The following DCUN1D4 variants were observed in gnomAD, a reference collection of about 807,000 sequenced individuals.
DCUN1D4 encodes the protein DCN1-like protein 4.
Under a neutral mutation model 47.9 loss-of-function variants are expected in DCUN1D4, and 22 were observed. The observed-to-expected ratio is 0.46, with a 90% CI of 0.33 to 0.66. The LOEUF is 0.66. DCUN1D4 is among the 30% of genes least tolerant of loss of function. The pLI, the probability that DCUN1D4 is intolerant of heterozygous loss-of-function variation, is 0.02. For missense variants in DCUN1D4, 301 were observed against 340.8 expected (o/e 0.88, Z 0.92); for synonymous variants, 121 against 112.2 (o/e 1.08, Z -0.50).
At chr4:51,906,919 A>C (rs1438568163) in intron 8 of DCUN1D4, among the ~76,000 whole-genome samples, 2 of 152,020 alleles carry the variant, frequency 1.3e-5, no homozygotes, top group African/African-American at 4.8e-5. Flanking sequence ...ATTGATTTTA[A>C]CTCCTTGTGC....
chr4:51,890,136 C>G (rs1196805778), intron 6 of DCUN1D4, among the ~76,000 whole-genome samples: 1 of 152,094 alleles, frequency 6.6e-6, no homozygotes, highest in African/African-American at 2.4e-5. Flanking sequence ...AGCCTACAAA[C>G]TAGCTTATTG....
chr4:51,903,310 C>T (rs1403256559), intron 8 of DCUN1D4, among the ~76,000 whole-genome samples: 3 of 152,072 alleles, frequency 2.0e-5, no homozygotes, highest in Admixed American at 1.3e-4. Flanking sequence ...ACACTTTATT[C>T]TTTCGGTACT....
intron 3 of DCUN1D4, among the ~76,000 whole-genome samples, chr4:51,870,031 G>C (rs1726630162): frequency 6.6e-6 from 1 of 152,130 alleles, no homozygotes; most frequent in Non-Finnish European, 1.5e-5. Flanking sequence ...TCTAATGATA[G>C]GAGGATTGAT....
At chr4:51,890,863 C>G (rs543419051) in intron 6 of DCUN1D4, among the ~76,000 whole-genome samples, 2 of 152,322 alleles carry the variant, frequency 1.3e-5, no homozygotes, top group South Asian at 4.1e-4. Context: ...TATCTTTTCT[C>G]TAAAATAGCT....
At chr4:51,872,200 A>G (rs1395791782) in intron 3 of DCUN1D4, among the ~76,000 whole-genome samples, 1 of 152,198 alleles carries the variant, frequency 6.6e-6, no homozygotes, top group Non-Finnish European at 1.5e-5. Flanking sequence ...GGGTGCTTTG[A>G]ACTGGTATGT....
chr4:51,881,681 GAAA>G (rs1212711589), intron 5 of DCUN1D4, among the ~76,000 whole-genome samples: 10 of 136,608 alleles, frequency 7.3e-5, no homozygotes, highest in Middle Eastern at 3.8e-3. Flanking sequence ...AAAAAAACAA[GAAA>G]AAAAAAACCT....
chr4:51,866,199 AATTT>A (rs2109923260), intron 3 of DCUN1D4, among the ~76,000 whole-genome samples: 1 of 152,288 alleles, frequency 6.6e-6, no homozygotes, highest in South Asian at 2.1e-4. Flanking sequence ...AGTCAAAAAC[AATTT>A]ATTTAATAAT....
intron 3 of DCUN1D4, among the ~76,000 whole-genome samples, chr4:51,873,941 C>T (rs1727280727): frequency 6.6e-6 from 1 of 152,096 alleles, no homozygotes. Context: ...CACTGCAGTG[C>T]ATTTTGAGAG....
chr4:51,910,444 A>G (rs1733552909), intron 8 of DCUN1D4, among the ~76,000 whole-genome samples: 1 of 152,138 alleles, frequency 6.6e-6, no homozygotes. Context: ...AAATCTATCT[A>G]TCTATCTGTC....
intron 1 of DCUN1D4, among the ~76,000 whole-genome samples, chr4:51,862,890 T>C (rs1725290680): frequency 6.6e-6 from 1 of 151,986 alleles, no homozygotes; most frequent in Non-Finnish European, 1.5e-5. Context: ...TGGTGCACAC[T>C]AGTAGTCCCA....
At chr4:51,834,453 A>G in the DCUN1D4 span, among the ~76,000 whole-genome samples, 6 of 151,918 alleles carry the variant, frequency 3.9e-5, no homozygotes, top group South Asian at 6.2e-4. Context: ...CTGAAAGGAC[A>G]TGAGGCTTTT....
At chr4:51,856,524 C>T (rs1402275153) in intron 1 of DCUN1D4, among the ~76,000 whole-genome samples, 3 of 152,092 alleles carry the variant, frequency 2.0e-5, no homozygotes, top group Non-Finnish European at 2.9e-5. Context: ...GGTTAGGAAA[C>T]GTTGCTGCTT....
chr4:51,896,811 A>G (rs571716414), intron 7 of DCUN1D4, among the ~76,000 whole-genome samples: 1 of 152,200 alleles, frequency 6.6e-6, no homozygotes, highest in African/African-American at 2.4e-5. Flanking sequence ...GCTTGTCAAG[A>G]TGCAGCCCTG....
At chr4:51,885,370 T>G (rs2110035964) in intron 5 of DCUN1D4, among the ~76,000 whole-genome samples, 1 of 152,208 alleles carries the variant, frequency 6.6e-6, no homozygotes, top group Non-Finnish European at 1.5e-5. Context: ...TGATTGGGTG[T>G]GAGAGAAAGG....
Position 51,854,379 on chromosome 4 carries a change from T to G in DCUN1D4, c.26-9058T>G, listed in dbSNP as rs539474604. Reference sequence around the variant, plus strand: ...TTTACTTAAAATTGTATTTTGTACTTTTTAAAAACATATGTACTATGATCT... The same window carrying G: ...TTTACTTAAAATTGTATTTTGTACTGTTTAAAAACATATGTACTATGATCT... On this transcript the variant is annotated intron_variant, in intron 1 of 10. Coordinates refer to ENST00000334635, the MANE Select transcript of DCUN1D4 (RefSeq NM_001040402.3). Among the ~76,000 whole-genome samples the G allele has an allele frequency of 2.0e-5, 3 of 152,368 alleles. No individual in the cohort carries two copies. In the South Asian group the frequency reaches 6.2e-4, roughly 32 times the overall value.
chr4:51,866,888 C>T (rs1560470887), intron 3 of DCUN1D4, among the ~76,000 whole-genome samples: 1 of 152,188 alleles, frequency 6.6e-6, no homozygotes. Context: ...CTGGTGGCAC[C>T]TTCTGCCTGA....
At chr4:51,885,959 C>G (rs898145443) in intron 5 of DCUN1D4, among the ~76,000 whole-genome samples, 3 of 152,058 alleles carry the variant, frequency 2.0e-5, no homozygotes, top group African/African-American at 7.2e-5. Flanking sequence ...TATTGGAGAC[C>G]TTGGCAAAAA....
At chr4:51,877,563 C>T in intron 4 of DCUN1D4, 200 bp from the exon 5 acceptor site, 6 of 391,384 alleles carry the variant, frequency 1.5e-5, no homozygotes, top group Admixed American at 4.2e-5. Flanking sequence ...AAGTGCTTAC[C>T]AGTTCTATAT....
At chr4:51,844,071 A>T (rs1231667774) in intron 1 of DCUN1D4, among the ~76,000 whole-genome samples, 3 of 107,588 alleles carry the variant, frequency 2.8e-5, no homozygotes, top group Non-Finnish European at 5.4e-5. Flanking sequence ...GAGGAGAAAA[A>T]GGTGGGTAGG....
Sources: allele counts gnomAD v4.1 joint callset (sites outside exome capture counted in the v4.1 genomes callset), GRCh38; gene constraint gnomAD v4.1.1; transcripts MANE v1.5; gene names NCBI Gene and HGNC (gene_info 2026-07-23, HGNC 2026-07-21).